Variants in RAD51B observed in about 807,000 individuals in gnomAD.
RAD51B encodes DNA repair protein RAD51 homolog 2.
A neutral mutation model predicts 42.2 loss-of-function variants in RAD51B; 38 were observed. The ratio of observed to expected loss-of-function variants is 0.90; its 90% CI spans 0.70 to 1.18. The LOEUF (loss-of-function observed/expected upper bound fraction) is 1.18. Ranked by LOEUF, RAD51B falls within the 50% of genes most tolerant of loss-of-function variation. RAD51B has a pLI of 0.00. For synonymous variants in RAD51B, 154 were observed against 145.2 expected (o/e 1.06, Z -0.43); for missense variants, 373 against 400.7 (o/e 0.93, Z 0.59).
chr14:68,210,140 A>G (rs1458843930), intron 7 of RAD51B, among the ~76,000 whole-genome samples: 1 of 152,012 alleles, frequency 6.6e-6, no homozygotes, highest in Non-Finnish European at 1.5e-5. Flanking sequence ...TTGTATTTTT[A>G]GTAGAGACAG....
chr14:68,341,211 T>C (rs1424186188), intron 8 of RAD51B, among the ~76,000 whole-genome samples: 1 of 152,192 alleles, frequency 6.6e-6, no homozygotes, highest in Non-Finnish European at 1.5e-5. Context: ...ATGAATAAAA[T>C]ACATCATAGA....
intron 10 of RAD51B, among the ~76,000 whole-genome samples, chr14:68,618,984 A>T (rs915364825): frequency 6.6e-6 from 1 of 152,192 alleles, no homozygotes; most frequent in Non-Finnish European, 1.5e-5. Flanking sequence ...AGGCCAGATA[A>T]AGACCACTCA....
rs182934602 is a variant in RAD51B at position 68,594,747 on chromosome 14, C to T, written c.*144C>T. 15 of 1,263,996 alleles carry T rather than the reference C, an allele frequency of 1.2e-5. No individual in the cohort carries two copies. In the African/African-American group the frequency reaches 1.8e-4, roughly 15 times the overall value. The allele number at this position is 1,263,996 out of a possible 1,614,324, so 78.3% of individuals were successfully genotyped here. ...ATTCCAATGAGAATTTTGTCCTTAG[C>T]AATCTCATCCAATGGCCACTGGAGA... On this transcript the variant is annotated 3_prime_UTR_variant, in exon 11 of 11. Transcript: ENST00000487270.
At chr14:68,633,398 T>A (rs1342896359) in intron 10 of RAD51B, among the ~76,000 whole-genome samples, 1 of 152,090 alleles carries the variant, frequency 6.6e-6, no homozygotes, top group African/African-American at 2.4e-5. Flanking sequence ...AGCAGGAGAA[T>A]ACGCCTTCCC....
intron 4 of RAD51B, among the ~76,000 whole-genome samples, chr14:67,855,119 C>T (rs1014121120): frequency 2.6e-5 from 4 of 151,980 alleles, no homozygotes; most frequent in Non-Finnish European, 4.4e-5. Flanking sequence ...AGGATGGTCT[C>T]GATCTCCTGA....
intron 7 of RAD51B, among the ~76,000 whole-genome samples, chr14:68,028,488 C>T (rs1164417264): frequency 6.6e-6 from 1 of 152,216 alleles, no homozygotes; most frequent in Non-Finnish European, 1.5e-5. Context: ...AGTATGGGCT[C>T]CTCCTCTGCT....
At chr14:67,978,125 A>G (rs1378720715) in intron 7 of RAD51B, among the ~76,000 whole-genome samples, 1 of 152,162 alleles carries the variant, frequency 6.6e-6, no homozygotes, top group Non-Finnish European at 1.5e-5. Flanking sequence ...ATATCAGTCT[A>G]TGATTTGGGC....
At chr14:68,344,159 G>A (rs10144669) in intron 8 of RAD51B, among the ~76,000 whole-genome samples, 79 of 152,126 alleles carry the variant, frequency 5.2e-4, no homozygotes, top group East Asian at 1.4e-3. Context: ...GCCACCACCC[G>A]CCACGTCCCA....
chr14:68,122,571 T>C (rs1434184594), intron 7 of RAD51B, among the ~76,000 whole-genome samples: 2 of 152,218 alleles, frequency 1.3e-5, no homozygotes, highest in Admixed American at 1.3e-4. Flanking sequence ...AGAAAGCAGT[T>C]GGTTTTATAC....
At chr14:68,296,079 C>T (rs1422066860) in intron 8 of RAD51B, among the ~76,000 whole-genome samples, 1 of 152,118 alleles carries the variant, frequency 6.6e-6, no homozygotes, top group Non-Finnish European at 1.5e-5. Context: ...TTCTGAAGGT[C>T]CTTTTTGTTG....
rs73280485 is a variant in RAD51B, at chr14:67,896,942, G to A, written c.756+9738G>A. On this transcript the variant is annotated intron_variant, in intron 7 of 10. Transcript: ENST00000471583. ...ATAGAGAGCCCAGAAATAAACCTGC[G>A]CATGTGTGGTCAATTGATCTTTGAC... 8.5e-3 allele frequency among the ~76,000 whole-genome samples: 1,299 copies of A among 152,214 alleles called. 17 individuals are homozygous for A. The highest frequency in any genetic ancestry group is 0.03 in the African/African-American group (1,258 of 41,514).
At chr14:68,347,689 T>G (rs139106616) in intron 8 of RAD51B, among the ~76,000 whole-genome samples, 83 of 152,256 alleles carry the variant, frequency 5.5e-4, no homozygotes, top group African/African-American at 1.8e-3. Context: ...TAATAATAAA[T>G]AAAGAAACAG....
chr14:68,246,630 C>T (rs1376882187), intron 7 of RAD51B, among the ~76,000 whole-genome samples: 1 of 152,168 alleles, frequency 6.6e-6, no homozygotes, highest in African/African-American at 2.4e-5. Flanking sequence ...TTTAATCTCT[C>T]CTCAGTGTGA....
intron 7 of RAD51B, among the ~76,000 whole-genome samples, chr14:68,139,039 T>G (rs2078069704): frequency 1.3e-5 from 2 of 152,102 alleles, no homozygotes; most frequent in African/African-American, 2.4e-5. Flanking sequence ...AGATGATTTT[T>G]TTTTGTAATT....
chr14:68,437,423 A>G (rs959630319), intron 9 of RAD51B, among the ~76,000 whole-genome samples: 10 of 152,152 alleles, frequency 6.6e-5, no homozygotes, highest in Admixed American at 2.6e-4. Context: ...TGTTTTGTTG[A>G]GGATTTTTAC....
At chr14:68,417,775 A>G (rs2084598127) in intron 9 of RAD51B, among the ~76,000 whole-genome samples, 1 of 152,186 alleles carries the variant, frequency 6.6e-6, no homozygotes, top group Admixed American at 6.5e-5. Context: ...ACCACCCACA[A>G]ACAAACAAGC....
intron 4 of RAD51B, among the ~76,000 whole-genome samples, chr14:67,837,285 A>G (rs1594976777): frequency 6.6e-6 from 1 of 152,212 alleles, no homozygotes; most frequent in African/African-American, 2.4e-5. Flanking sequence ...AACAAGGTTT[A>G]TTACAGTGTG....
At chr14:67,937,529 A>G (rs1378032949) in intron 7 of RAD51B, among the ~76,000 whole-genome samples, 1 of 152,172 alleles carries the variant, frequency 6.6e-6, no homozygotes, top group East Asian at 1.9e-4. Flanking sequence ...CTTTTACTCT[A>G]GGTATAGTGG....
intron 10 of RAD51B, among the ~76,000 whole-genome samples, chr14:68,590,915 A>G (rs1404783368): frequency 6.6e-6 from 1 of 152,072 alleles, no homozygotes; most frequent in Non-Finnish European, 1.5e-5. Context: ...GCCTTTATAG[A>G]TGGCCCCATG....
Sources: allele counts gnomAD v4.1 joint callset (sites outside exome capture counted in the v4.1 genomes callset), GRCh38; gene constraint gnomAD v4.1.1; transcripts MANE v1.5; gene names NCBI Gene and HGNC (gene_info 2026-07-23, HGNC 2026-07-21).